GANC: variants seen among roughly 807,000 people sequenced by gnomAD.
GANC encodes the protein glucosidase alpha, neutral C.
GANC carries 117 observed loss-of-function variants against 124.2 expected under a neutral mutation model. The ratio of observed to expected loss-of-function variants is 0.94; its 90% CI spans 0.81 to 1.10. The LOEUF is 1.10. Ranked by LOEUF, GANC falls within the 50% of genes least tolerant of loss-of-function variation. The probability of loss-of-function intolerance (pLI) is 0.00; values close to 1 mark genes in which losing one functional copy is unlikely to be tolerated. For missense variants in GANC, 1,140 were observed against 1,095.0 expected (o/e 1.04, Z -0.58); for synonymous variants, 377 against 376.8 (o/e 1.00, Z -0.01).
chr15:42,350,196 A>G (rs1016938055), intron 22 of GANC, among the ~76,000 whole-genome samples: 4 of 151,170 alleles, frequency 2.6e-5, no homozygotes, highest in Non-Finnish European at 5.9e-5. Flanking sequence ...ACGCCTGGCT[A>G]ATTTTGTATT....
At chr15:42,284,328 T>C (rs2051764554) in intron 3 of GANC, 1 of 270,638 alleles carries the variant, frequency 3.7e-6, no homozygotes, top group Non-Finnish European at 7.0e-6. Context: ...CTTGAAGACA[T>C]AGACAAAGCT....
chr15:42,319,127 T>C (rs1236485745), intron 10 of GANC, among the ~76,000 whole-genome samples: 1 of 152,206 alleles, frequency 6.6e-6, no homozygotes, highest in Non-Finnish European at 1.5e-5. Flanking sequence ...GCTATCATGT[T>C]TCTGCTTTCA....
Position 42,329,251 on chromosome 15 carries a change from C to T in GANC, c.1501-55C>T, listed in dbSNP as rs1000060913. 2.0e-6 allele frequency: 3 copies of T among 1,532,370 alleles called. No homozygotes were observed. The African/African-American group carries it at 4.2e-5, about 21-fold the overall frequency. 94.9% of individuals were successfully genotyped at this position (1,532,370 alleles called of 1,614,324 possible). A position where few individuals can be genotyped will look rare whatever the true frequency, so the allele number is the denominator to read the frequency against. On this transcript the variant is annotated intron_variant, in intron 13 of 23. Coordinates refer to ENST00000318010, the MANE Select transcript of GANC (RefSeq NM_198141.3). Reference sequence around the variant, plus strand: ...TAAAATGAGGTAGCAATGGTGACAGCTATTATATAGACATCATCAATGTAG... The same window carrying T: ...TAAAATGAGGTAGCAATGGTGACAGTTATTATATAGACATCATCAATGTAG...
chr15:42,306,482 T>A, intron 6 of GANC, 64 bp from the exon 7 acceptor site: 1 of 1,228,356 alleles, frequency 8.1e-7, no homozygotes, highest in Non-Finnish European at 1.2e-6. Flanking sequence ...TAAAATGAGC[T>A]ATTGTGGTAA....
chr15:42,288,105 T>G (rs528029757), intron 4 of GANC, among the ~76,000 whole-genome samples: 1 of 152,262 alleles, frequency 6.6e-6, no homozygotes, highest in East Asian at 1.9e-4. Flanking sequence ...ATCCCTGCTC[T>G]CCTTCTCACA....
At chr15:42,277,464 A>G (rs1257537278) in intron 2 of GANC, among the ~76,000 whole-genome samples, 1 of 151,220 alleles carries the variant, frequency 6.6e-6, no homozygotes, top group East Asian at 2.0e-4. Flanking sequence ...TGGGAGGCAG[A>G]GATTGTGGTG....
chr15:42,299,736 T>C (rs1477233321), intron 6 of GANC, among the ~76,000 whole-genome samples: 2 of 152,178 alleles, frequency 1.3e-5, no homozygotes, highest in Non-Finnish European at 2.9e-5. Flanking sequence ...CAAAACAGCA[T>C]GGTGCTGGTA....
chr15:42,273,344 C>G lies in GANC; in HGVS notation c.-1138C>G. 1 of 1,614,106 alleles carries G rather than the reference C, an allele frequency of 6.2e-7. No individual in the cohort carries two copies. Among genetic ancestry groups the G allele is most frequent in the Non-Finnish European group, 8.5e-7 (1 of 1,180,032 alleles). ...AAAAACGACAGTGGTGACGGGTGAG[C>G]TCCCAGAAGCAGAAGAATGACAGGC... On this transcript the variant is annotated 5_prime_UTR_variant, in exon 1 of 24. Transcript: ENST00000318010.
chr15:42,287,620 A>G, intron 3 of GANC, 71 bp from the exon 4 acceptor site: 1 of 1,503,374 alleles, frequency 6.7e-7, no homozygotes, highest in South Asian at 1.2e-5. Flanking sequence ...TTTCCTAATT[A>G]TTGTAATTGG....
chr15:42,337,457 A>G (rs1366697370), intron 15 of GANC, among the ~76,000 whole-genome samples: 1 of 152,240 alleles, frequency 6.6e-6, no homozygotes, highest in Non-Finnish European at 1.5e-5. Context: ...TAATGCAGAA[A>G]CAGAAAACCA....
At chr15:42,344,781 G>T (rs2052351541) in intron 19 of GANC, 1 of 152,210 alleles carries the variant, frequency 6.6e-6, no homozygotes, top group African/African-American at 2.4e-5. Context: ...TGCCCTGCCA[G>T]ATATTTTTGC....
chr15:42,313,893 A>G, intron 10 of GANC: 1 of 592,534 alleles, frequency 1.7e-6, no homozygotes, highest in Non-Finnish European at 3.0e-6. Flanking sequence ...GAAAGGCTGC[A>G]GTAAGCACTG....
chr15:42,342,070 AT>A (rs1276932270), intron 18 of GANC, among the ~76,000 whole-genome samples: 1 of 152,060 alleles, frequency 6.6e-6, no homozygotes, highest in Non-Finnish European at 1.5e-5. Flanking sequence ...ATTTGTAATT[AT>A]TTTTTAATAT....
intron 19 of GANC, 138 bp downstream of exon 19, chr15:42,343,292 A>G: frequency 4.3e-6 from 3 of 704,740 alleles, no homozygotes; most frequent in Admixed American, 4.9e-5. Context: ...ATAATAAGTC[A>G]TGACCACTGT....
intron 10 of GANC, chr15:42,314,068 C>T (rs1212983709): frequency 2.8e-6 from 2 of 711,660 alleles, no homozygotes; most frequent in South Asian, 2.9e-5. Flanking sequence ...TGACAGCCTA[C>T]CTCTTTTACA....
At position 42,329,421 on chromosome 15, in the gene GANC, A is replaced by G; in HGVS notation, c.1616A>G (p.Glu539Gly). 1 of 1,613,388 alleles carries G rather than the reference A, an allele frequency of 6.2e-7. No homozygotes were observed. Among genetic ancestry groups the G allele is most frequent in the Non-Finnish European group, 8.5e-7 (1 of 1,179,774 alleles). ...AIHHGNWEHR[E>G]LHNIYGFYHQ... ...CATCATGGCAATTGGGAGCACAGAG[A>G]GCTCCACAACATCTACGGTTTTTAT... The change falls in exon 14 of 24, where the codon GAG becomes GGG. Residue 539 changes from glutamate to glycine, a missense_variant. Physicochemically the swap from Glu to Gly is moderately conservative, Grantham distance 98. Transcript: ENST00000318010.
chr15:42,281,037 G>A, intron 3 of GANC: 1 of 702,530 alleles, frequency 1.4e-6, no homozygotes, highest in South Asian at 1.5e-5. Context: ...GGAAGCTGAG[G>A]AGCCTGATAA....
intron 6 of GANC, among the ~76,000 whole-genome samples, chr15:42,299,373 T>C (rs564074685): frequency 6.6e-4 from 100 of 152,340 alleles, no homozygotes; most frequent in Non-Finnish European, 1.2e-3. Context: ...GTTTATTGAT[T>C]TGCATATGTT....
At chr15:42,313,542 A>G (rs1196155336) in intron 10 of GANC, 1 of 152,770 alleles carries the variant, frequency 6.5e-6, no homozygotes, top group Non-Finnish European at 1.5e-5. Context: ...CAACAAAAAG[A>G]CAGGCTGAGC....
Sources: gnomAD v4.1 joint callset for allele counts (sites outside exome capture counted in the v4.1 genomes callset) on GRCh38, gnomAD v4.1.1 for gene constraint, MANE v1.5 for transcripts, NCBI Gene and HGNC (gene_info 2026-07-23, HGNC 2026-07-21) for gene names.